PMF1: variants seen among roughly 807,000 people sequenced by gnomAD.
The protein encoded by PMF1 is polyamine-modulated factor 1.
A neutral mutation model predicts 26.7 loss-of-function variants in PMF1; 21 were observed. That is an observed-to-expected ratio of 0.79 (90% confidence interval 0.56 to 1.13). PMF1 has a LOEUF of 1.13. Among genes scored for constraint, PMF1 ranks in the 50% most tolerant of loss-of-function variants. PMF1 has a pLI of 0.00. For synonymous variants in PMF1, 105 were observed against 101.0 expected, an observed-to-expected ratio of 1.04 and a Z score of -0.24; for missense variants, 266 against 254.9, an observed-to-expected ratio of 1.04 and a Z score of -0.30.
intron 4 of PMF1, among the ~76,000 whole-genome samples, chr1:156,237,481 C>G (rs1285119045): frequency 2.2e-5 from 3 of 137,640 alleles, no homozygotes; most frequent in Non-Finnish European, 4.6e-5. Flanking sequence ...GAGTCTCACT[C>G]TGTTGCCCAG....
intron 1 of PMF1, among the ~76,000 whole-genome samples, chr1:156,231,081 G>T (rs1234322967): frequency 1.3e-5 from 2 of 151,898 alleles, no homozygotes; most frequent in African/African-American, 2.4e-5. Context: ...GCTGGGCGTG[G>T]TGGTGGGCAC....
chr1:156,219,752 A>AT (rs200395746), intron 1 of PMF1, among the ~76,000 whole-genome samples: 6 of 149,406 alleles, frequency 4.0e-5, no homozygotes, highest in African/African-American at 7.4e-5. Flanking sequence ...CACTTGGCTA[A>AT]TTTTTTTTTC....
intron 4 of PMF1, among the ~76,000 whole-genome samples, chr1:156,237,852 G>A (rs1009473735): frequency 6.6e-6 from 1 of 152,062 alleles, no homozygotes; most frequent in African/African-American, 2.4e-5. Flanking sequence ...CGCTTCCTGG[G>A]TTCAAGTGAT....
chr1:156,213,182 G>C lies in PMF1; in HGVS notation c.161+6G>C. 6.2e-7 allele frequency: 1 copy of C among 1,612,216 alleles called. No individual in the cohort carries two copies. Among genetic ancestry groups the C allele is most frequent in the Non-Finnish European group, 8.5e-7 (1 of 1,178,490 alleles). ...AAGCTGGTCGCCGCCGGCAGGTAAA[G>C]TGGACGCAGCCGCGGTGGGAGTGTT... On this transcript the variant is annotated splice_donor_region_variant and intron_variant, in intron 1 of 4. Coordinates refer to ENST00000368277, the MANE Select transcript of PMF1 (RefSeq NM_007221.4).
intron 4 of PMF1, 134 bp downstream of exon 4, chr1:156,236,617 C>G (rs1572507061): frequency 1.7e-6 from 2 of 1,171,174 alleles, no homozygotes; most frequent in East Asian, 5.2e-5. Flanking sequence ...GGGGAACAGT[C>G]ATGAATTACC....
At chr1:156,215,165 T>C (rs1023207938) in intron 1 of PMF1, among the ~76,000 whole-genome samples, 7 of 151,422 alleles carry the variant, frequency 4.6e-5, no homozygotes, top group African/African-American at 9.7e-5. Flanking sequence ...CATGAGCCAC[T>C]GCACCCAGGC....
At chr1:156,215,838 A>C (rs1172743786) in intron 1 of PMF1, among the ~76,000 whole-genome samples, 1 of 152,024 alleles carries the variant, frequency 6.6e-6, no homozygotes, top group Non-Finnish European at 1.5e-5. Context: ...ACAGGCATGC[A>C]CCACCATGCC....
intron 2 of PMF1, among the ~76,000 whole-genome samples, chr1:156,232,629 C>G (rs898440389): frequency 6.6e-6 from 1 of 152,132 alleles, no homozygotes. Flanking sequence ...GCTCACTGTC[C>G]TGTATTGTGA....
intron 2 of PMF1, among the ~76,000 whole-genome samples, chr1:156,232,954 C>T (rs796650840): frequency 1.5e-5 from 2 of 131,784 alleles, no homozygotes; most frequent in African/African-American, 6.1e-5. Flanking sequence ...GGGTCTGGCT[C>T]TGTCACTCAG....
intron 3 of PMF1, 67 bp downstream of exon 3, chr1:156,233,795 T>C: frequency 6.8e-7 from 1 of 1,465,482 alleles, no homozygotes; most frequent in Non-Finnish European, 9.3e-7. Flanking sequence ...TTTTTTTTTT[T>C]TCTAGAGTCA....
At chr1:156,230,102 A>G (rs1658611056) in intron 1 of PMF1, among the ~76,000 whole-genome samples, 1 of 152,314 alleles carries the variant, frequency 6.6e-6, no homozygotes, top group Non-Finnish European at 1.5e-5. Context: ...GGGAGGACCC[A>G]GCAGTGACTC....
chr1:156,218,594 A>G (rs899179429), intron 1 of PMF1, among the ~76,000 whole-genome samples: 2 of 152,130 alleles, frequency 1.3e-5, no homozygotes, highest in Non-Finnish European at 2.9e-5. Context: ...ATCTTGGCCA[A>G]CATGGTAAAA....
intron 1 of PMF1, among the ~76,000 whole-genome samples, chr1:156,228,288 T>TTTTTTTTTTTTTTTTTTTC (rs1371074585): frequency 7.0e-6 from 1 of 143,792 alleles, no homozygotes; most frequent in Non-Finnish European, 1.5e-5. Flanking sequence ...TTTTTTTTTT[T>TTTTTTTTTTTTTTTTTTTC]AGTGTATCAC....
chr1:156,232,287 C>T lies in PMF1; in HGVS notation c.162-33C>T, dbSNP rs768112949. Reference sequence around the variant, plus strand: ...GCTGATGGCCGGCCTCATGCTTGGCCCTCCCCACCTTTGCTTCTCTCCTTC... The same window carrying T: ...GCTGATGGCCGGCCTCATGCTTGGCTCTCCCCACCTTTGCTTCTCTCCTTC... On this transcript the variant is annotated intron_variant, in intron 1 of 4. Coordinates refer to ENST00000368277, the MANE Select transcript of PMF1 (RefSeq NM_007221.4). 49 of 1,607,744 alleles carry T rather than the reference C, an allele frequency of 3.0e-5. No individual in the cohort carries two copies. The East Asian group carries it at 1.0e-3, about 34-fold the overall frequency.
intron 1 of PMF1, among the ~76,000 whole-genome samples, chr1:156,228,995 G>A (rs193236071): frequency 0.013 from 1,906 of 152,100 alleles, 32 homozygotes; most frequent in African/African-American, 0.044. Flanking sequence ...TGCAACCTCC[G>A]CCTCCCAGGT....
intron 4 of PMF1, among the ~76,000 whole-genome samples, chr1:156,238,562 A>G (rs1212864013): frequency 6.6e-6 from 1 of 152,168 alleles, no homozygotes; most frequent in African/African-American, 2.4e-5. Context: ...AACTCTCTCC[A>G]TCCTTCATGT....
rs188362365 is a variant in PMF1, at chr1:156,230,196, G to A, written c.162-2124G>A. 1.1e-4 allele frequency among the ~76,000 whole-genome samples: 17 copies of A among 152,142 alleles called. No homozygotes were observed. In the East Asian group the frequency reaches 2.9e-3, roughly 26 times the overall value. On this transcript the variant is annotated intron_variant, in intron 1 of 4. Coordinates refer to ENST00000368277, the MANE Select transcript of PMF1 (RefSeq NM_007221.4). ...GTGGCCCGCCAGCCTGATCCTCACA[G>A]CCAAGGAGCATCCTGACCTACAGTA...
rs11540816 is a variant in PMF1 at position 156,236,390 on chromosome 1, C to T, written c.471C>T (p.Ala157=). The change falls in exon 4 of 5, where the codon GCC becomes GCT. Residue 157 remains alanine (A), a synonymous_variant. Transcript: ENST00000368277. ...GGCGCCATGTGCAGAAACAGGAGGC[C>T]GAGAACCAGCAGCTGGCAGATGCCG... ...TLRRHVQKQE[A]ENQQLADAVL... 0.011 allele frequency: 16,966 copies of T among 1,614,172 alleles called. 101 individuals are homozygous for T. Among genetic ancestry groups the T allele is most frequent in the Non-Finnish European group, 0.012 (13,645 of 1,180,022 alleles).
intron 1 of PMF1, among the ~76,000 whole-genome samples, chr1:156,229,075 A>G (rs977953379): frequency 3.3e-5 from 5 of 151,826 alleles, no homozygotes; most frequent in African/African-American, 4.8e-5. Flanking sequence ...CGCCCAGCTA[A>G]TTTTTTGTAT....
Sources: allele counts gnomAD v4.1 joint callset (sites outside exome capture counted in the v4.1 genomes callset), GRCh38; gene constraint gnomAD v4.1.1; transcripts MANE v1.5; gene names NCBI Gene and HGNC (gene_info 2026-07-23, HGNC 2026-07-21).